The following TAFA1 variants were observed in gnomAD, a reference collection of about 807,000 sequenced individuals.
TAFA1 encodes chemokine-like protein TAFA-1.
A neutral mutation model predicts 18.5 loss-of-function variants in TAFA1; 4 were observed. The observed-to-expected ratio is 0.22, with a 90% CI of 0.11 to 0.49. TAFA1 has a LOEUF of 0.49. Among genes scored for constraint, TAFA1 ranks in the 20% least tolerant of loss-of-function variants. The probability of loss-of-function intolerance (pLI) is 0.98; values close to 1 mark genes in which losing one functional copy is unlikely to be tolerated. For synonymous variants in TAFA1, 56 were observed against 55.2 expected (o/e 1.01, Z -0.06); for missense variants, 147 against 169.0 (o/e 0.87, Z 0.72).
intron 2 of TAFA1, among the ~76,000 whole-genome samples, chr3:68,083,136 G>A (rs1387355535): frequency 2.0e-5 from 3 of 152,138 alleles, no homozygotes; most frequent in Admixed American, 2.0e-4. Flanking sequence ...AAATGTGAAG[G>A]CTAGGTCTTA....
intron 3 of TAFA1, among the ~76,000 whole-genome samples, chr3:68,441,002 C>T (rs905674704): frequency 4.6e-5 from 7 of 152,232 alleles, no homozygotes; most frequent in Non-Finnish European, 7.4e-5. Flanking sequence ...TCTTCTACCT[C>T]AGTAAAATTT....
chr3:68,074,664 CAG>C (rs760209391), intron 2 of TAFA1, among the ~76,000 whole-genome samples: 2 of 152,142 alleles, frequency 1.3e-5, no homozygotes, highest in Non-Finnish European at 2.9e-5. Flanking sequence ...TATTAGGAAA[CAG>C]AGACTCAGGG....
intron 2 of TAFA1, among the ~76,000 whole-genome samples, chr3:68,056,396 G>C (rs187366445): frequency 1.3e-5 from 2 of 152,108 alleles, no homozygotes; most frequent in Non-Finnish European, 2.9e-5. Flanking sequence ...TTTTAAAATT[G>C]CAAGTCCCAT....
rs553930833 is a variant in TAFA1, at chr3:68,405,639, G to A, written c.119-11641G>A. Among the ~76,000 whole-genome samples the A allele has an allele frequency of 8.9e-5, 12 of 134,314 alleles. No individual in the cohort carries two copies. The East Asian group carries it at 9.4e-4, about 10-fold the overall frequency. 88.1% of individuals were successfully genotyped at this position (134,314 alleles called of 152,430 possible). ...CAGTTGAGCCTGGGAGGCCAAGGCT[G>A]TAGTGAGCTGTGATCATGCTACTGC... On this transcript the variant is annotated intron_variant, in intron 2 of 4. Transcript: ENST00000478136.
intron 2 of TAFA1, among the ~76,000 whole-genome samples, chr3:68,185,665 T>C (rs1036163742): frequency 6.6e-6 from 1 of 152,026 alleles, no homozygotes; most frequent in African/African-American, 2.4e-5. Flanking sequence ...ATCCCAGCAC[T>C]TTGGGAGGCC....
At chr3:68,426,755 G>T (rs1407542228) in intron 3 of TAFA1, among the ~76,000 whole-genome samples, 1 of 151,836 alleles carries the variant, frequency 6.6e-6, no homozygotes, top group Non-Finnish European at 1.5e-5. Context: ...GAGACTGGCT[G>T]TTTCGGGTAC....
At chr3:68,111,801 A>ATT (rs2065266089) in intron 2 of TAFA1, among the ~76,000 whole-genome samples, 1 of 151,432 alleles carries the variant, frequency 6.6e-6, no homozygotes, top group East Asian at 1.9e-4. Flanking sequence ...AGAGAGAGAG[A>ATT]GAAGAAATGT....
At chr3:68,496,012 A>G (rs1440222330) in intron 3 of TAFA1, among the ~76,000 whole-genome samples, 15 of 37,266 alleles carry the variant, frequency 4.0e-4, no homozygotes, top group South Asian at 2.9e-3. Context: ...AAAAAAAAAA[A>G]AAAAAAAAAA....
chr3:68,538,894 T>C lies in TAFA1; in HGVS notation c.384+14T>C, dbSNP rs763487394. On this transcript the variant is annotated intron_variant, in intron 4 of 4. Coordinates refer to ENST00000478136, the MANE Select transcript of TAFA1 (RefSeq NM_213609.4). The stretch of plus-strand genomic sequence containing the variant: ...AAGACCACGAGAGTAAGTGCACTTA[T>C]TTCAAATGTATTTTGGATGTTACAG... The C allele has an allele frequency of 1.1e-5, 17 of 1,612,760 alleles. No homozygotes were observed. The African/African-American group carries it at 2.0e-4, about 19-fold the overall frequency.
chr3:68,250,405 A>G (rs1428029670), intron 2 of TAFA1, among the ~76,000 whole-genome samples: 2 of 152,180 alleles, frequency 1.3e-5, no homozygotes, highest in African/African-American at 4.8e-5. Flanking sequence ...CAACACACCA[A>G]TGCTTAATAT....
chr3:68,369,968 A>T (rs1417437904), intron 2 of TAFA1, among the ~76,000 whole-genome samples: 2 of 151,990 alleles, frequency 1.3e-5, no homozygotes, highest in Non-Finnish European at 2.9e-5. Context: ...TATTTGTTTT[A>T]AAATATAGAT....
chr3:68,011,662 C>T (rs902738649), intron 2 of TAFA1, among the ~76,000 whole-genome samples: 1 of 152,190 alleles, frequency 6.6e-6, no homozygotes, highest in East Asian at 1.9e-4. Flanking sequence ...CAACTATGGT[C>T]GCATATTGGC....
chr3:68,025,357 G>A (rs891624439), intron 2 of TAFA1, among the ~76,000 whole-genome samples: 1 of 152,068 alleles, frequency 6.6e-6, no homozygotes, highest in Admixed American at 6.6e-5. Context: ...CTTCCTCTAC[G>A]TGGATTATAG....
At chr3:68,084,796 TA>T (rs764180966) in intron 2 of TAFA1, among the ~76,000 whole-genome samples, 3,734 of 122,290 alleles carry the variant, frequency 0.031, 128 homozygotes, top group East Asian at 0.12. Context: ...AGACTCCGTC[TA>T]AAAAAAAAAA....
intron 2 of TAFA1, among the ~76,000 whole-genome samples, chr3:68,256,445 A>C (rs1301395604): frequency 1.3e-5 from 2 of 152,138 alleles, no homozygotes; most frequent in African/African-American, 4.8e-5. Flanking sequence ...CCACATCTGT[A>C]AAGTGGGGAT....
intron 2 of TAFA1, among the ~76,000 whole-genome samples, chr3:68,313,960 AGTAGAACT>A (rs2106686942): frequency 6.6e-6 from 1 of 152,370 alleles, no homozygotes; most frequent in Non-Finnish European, 1.5e-5. Context: ...TATAAAAATA[AGTAGAACT>A]GTAAAAAGGA....
intron 2 of TAFA1, among the ~76,000 whole-genome samples, chr3:68,095,953 C>T (rs1051679585): frequency 5.3e-5 from 8 of 152,028 alleles, no homozygotes; most frequent in African/African-American, 1.7e-4. Context: ...TTCTATGTGT[C>T]GGGAACATTT....
intron 2 of TAFA1, among the ~76,000 whole-genome samples, chr3:68,149,691 G>A (rs902326161): frequency 2.6e-5 from 4 of 152,188 alleles, no homozygotes; most frequent in African/African-American, 4.8e-5. Flanking sequence ...CAAACACCTC[G>A]GATTAGACTC....
At chr3:68,009,752 A>G (rs143244526) in intron 2 of TAFA1, among the ~76,000 whole-genome samples, 2,150 of 152,274 alleles carry the variant, frequency 0.014, 59 homozygotes, top group African/African-American at 0.05. Flanking sequence ...TCTTTAATAC[A>G]ATCTTTTGAT....
Sources: gnomAD v4.1 joint callset for allele counts (sites outside exome capture counted in the v4.1 genomes callset) on GRCh38, gnomAD v4.1.1 for gene constraint, MANE v1.5 for transcripts, NCBI Gene and HGNC (gene_info 2026-07-23, HGNC 2026-07-21) for gene names.